Variants in RTN4 observed in about 807,000 individuals in gnomAD.
RTN4 encodes the protein reticulon 4, also known as reticulon-4.
A neutral mutation model predicts 90.4 loss-of-function variants in RTN4; 32 were observed. That is an observed-to-expected ratio of 0.35 (90% CI 0.27 to 0.48). The LOEUF is 0.48. Among genes scored for constraint, RTN4 ranks in the 20% least tolerant of loss-of-function variants. The pLI is 0.99. For missense variants in RTN4, 1,706 were observed against 1,430.2 expected (o/e 1.19, Z -3.11); for synonymous variants, 629 against 552.5 (o/e 1.14, Z -1.94).
At chr2:55,013,764 C>A (rs1680826809) in intron 3 of RTN4, among the ~76,000 whole-genome samples, 1 of 152,154 alleles carries the variant, frequency 6.6e-6, no homozygotes, top group African/African-American at 2.4e-5. Context: ...TTTTCCATTT[C>A]TTTCTTTCCT....
At chr2:55,035,546 C>T (rs951825862) in intron 1 of RTN4, among the ~76,000 whole-genome samples, 1 of 151,632 alleles carries the variant, frequency 6.6e-6, no homozygotes, top group African/African-American at 2.4e-5. Flanking sequence ...AAAGCTTCCA[C>T]TTTAAAAGAG....
chr2:55,057,650 T>C (rs1668212924), intron 2 of RTN4, among the ~76,000 whole-genome samples: 1 of 152,122 alleles, frequency 6.6e-6, no homozygotes, highest in Non-Finnish European at 1.5e-5. Context: ...ATTTGGAACA[T>C]GTGAAGAATG....
At chr2:55,086,603 G>A (rs1045687195) in intron 1 of RTN4, among the ~76,000 whole-genome samples, 4 of 151,888 alleles carry the variant, frequency 2.6e-5, no homozygotes, top group Non-Finnish European at 5.9e-5. Flanking sequence ...CCACGATTTC[G>A]AGGCTGCAGT....
intron 1 of RTN4, among the ~76,000 whole-genome samples, chr2:55,037,018 G>A (rs1682739522): frequency 6.6e-6 from 1 of 152,146 alleles, no homozygotes; most frequent in South Asian, 2.1e-4. Context: ...CCCTACCAAA[G>A]CTAGTAGTGA....
At position 55,049,953 on chromosome 2, in the gene RTN4, G is replaced by A. The variant is rs1478488780; in HGVS notation, c.348C>T (p.Thr116=). The change falls in exon 1 of 9, where the codon ACC becomes ACT. Residue 116 remains threonine (T), a synonymous_variant. Coordinates refer to ENST00000337526, the MANE Select transcript of RTN4 (RefSeq NM_020532.5). ...CAGACAGCGGGGATGGCGCGGGCAC[G>A]GTCGACGACACCGGGCTCGGGTCCC... is the stretch of plus-strand genomic sequence containing the variant. ...PSWDPSPVSS[T]VPAPSPLSAA... 19 of 1,355,026 alleles carry A rather than the reference G, an allele frequency of 1.4e-5. No homozygotes were observed. Among genetic ancestry groups the A allele is most frequent in the South Asian group, 7.1e-5 (4 of 56,554 alleles). The allele number at this position is 1,355,026 out of a possible 1,614,324, so 83.9% of individuals were successfully genotyped here.
chr2:55,109,899 C>A (rs978337272), intron 1 of RTN4, among the ~76,000 whole-genome samples: 3 of 152,096 alleles, frequency 2.0e-5, no homozygotes, highest in Admixed American at 6.5e-5. Context: ...ATTATTTATT[C>A]CCTGGGGAGA....
intron 1 of RTN4, among the ~76,000 whole-genome samples, chr2:55,095,882 C>G (rs1441213774): frequency 6.6e-6 from 1 of 152,136 alleles, no homozygotes; most frequent in Non-Finnish European, 1.5e-5. Context: ...TTTTTGCTAC[C>G]TTTGACAGTT....
rs371914147 is a variant in RTN4 at position 55,026,804 on chromosome 2, G to A, written c.1295C>T (p.Thr432Ile). Residue 432 changes from threonine (T) to isoleucine (I), a missense_variant, in exon 3 of 9, where the codon ACT (threonine) becomes ATT (isoleucine). Physicochemically the swap from Thr to Ile is moderately conservative, Grantham distance 89 (BLOSUM62 -1). Coordinates refer to ENST00000337526, the MANE Select transcript of RTN4 (RefSeq NM_020532.5). ...KKCFADSLEQTNHEKDSESSN... is the reference protein window; with the variant it reads ...KKCFADSLEQINHEKDSESSN... Reference sequence around the variant, plus strand: ...ACTCTCACTATCTTTTTCGTGATTAGTTTGCTCAAGGCTATCTGCAAAACA... The same window carrying A: ...ACTCTCACTATCTTTTTCGTGATTAATTTGCTCAAGGCTATCTGCAAAACA... The A allele has an allele frequency of 1.1e-5, 18 of 1,613,792 alleles. No individual in the cohort carries two copies. Among genetic ancestry groups the A allele is most frequent in the Admixed American group, 1.7e-5 (1 of 59,972 alleles).
chr2:55,131,762 T>C, the RTN4 span, among the ~76,000 whole-genome samples: 4 of 152,020 alleles, frequency 2.6e-5, no homozygotes, highest in Non-Finnish European at 5.9e-5. Context: ...TGTGCACCTG[T>C]AATCCCAGCT....
chr2:54,984,576 T>C (rs545755729), intron 4 of RTN4, among the ~76,000 whole-genome samples: 1 of 152,306 alleles, frequency 6.6e-6, no homozygotes, highest in South Asian at 2.1e-4. Flanking sequence ...ATAAAGACAG[T>C]ACTCCCCATC....
chr2:55,000,233 T>C (rs1679756727), intron 3 of RTN4, among the ~76,000 whole-genome samples: 2 of 152,160 alleles, frequency 1.3e-5, no homozygotes, highest in East Asian at 1.9e-4. Flanking sequence ...AATTAGCAAG[T>C]CTCAGCCTGA....
At chr2:55,041,647 C>T (rs746110695) in intron 1 of RTN4, among the ~76,000 whole-genome samples, 2 of 151,936 alleles carry the variant, frequency 1.3e-5, no homozygotes, top group Non-Finnish European at 2.9e-5. Flanking sequence ...GGGAAATAAT[C>T]TTGAAATATA....
At chr2:55,101,449 G>A (rs1667851549) in intron 1 of RTN4, among the ~76,000 whole-genome samples, 1 of 152,056 alleles carries the variant, frequency 6.6e-6, no homozygotes, top group South Asian at 2.1e-4. Context: ...AAAAATTGAA[G>A]TTATTAATAC....
chr2:55,119,502 G>C, the RTN4 span, among the ~76,000 whole-genome samples: 2 of 152,170 alleles, frequency 1.3e-5, no homozygotes, highest in African/African-American at 4.8e-5. Context: ...AGGGGACACA[G>C]ACTTATTGGA....
intron 2 of RTN4, among the ~76,000 whole-genome samples, chr2:55,070,993 G>C (rs961951886): frequency 6.6e-6 from 1 of 151,208 alleles, no homozygotes; most frequent in African/African-American, 2.4e-5. Context: ...AGCCAGGATG[G>C]TCTCAATCTC....
At chr2:55,059,393 G>A (rs1668249423) in intron 2 of RTN4, among the ~76,000 whole-genome samples, 1 of 151,162 alleles carries the variant, frequency 6.6e-6, no homozygotes, top group South Asian at 2.1e-4. Flanking sequence ...TCACTCTGTT[G>A]CCCAGGATGG....
chr2:55,085,224 A>T (rs1668814203), intron 1 of RTN4, among the ~76,000 whole-genome samples: 1 of 152,186 alleles, frequency 6.6e-6, no homozygotes, highest in Non-Finnish European at 1.5e-5. Flanking sequence ...ATATATACAC[A>T]CACATCCTAT....
At chr2:55,105,710 C>T (rs914532299) in intron 1 of RTN4, among the ~76,000 whole-genome samples, 2 of 151,998 alleles carry the variant, frequency 1.3e-5, no homozygotes, top group Non-Finnish European at 2.9e-5. Context: ...GTGGCTCATG[C>T]CTAATCCCAG....
At position 55,027,495 on chromosome 2, in the gene RTN4, T is replaced by G; in HGVS notation, c.614-10A>C. 1 of 1,582,496 alleles carries G rather than the reference T, an allele frequency of 6.3e-7. No homozygotes were observed. The highest frequency in any genetic ancestry group is 8.6e-7 in the Non-Finnish European group (1 of 1,166,700). On this transcript the variant is annotated splice_polypyrimidine_tract_variant and intron_variant, in intron 2 of 8. Transcript: ENST00000337526. ...TTCAAGTCCATATTTTCTGTGACCATGGACAGAAAGGAAAGTTAGAGAATG... is the reference window on the plus strand; with the variant it reads ...TTCAAGTCCATATTTTCTGTGACCAGGGACAGAAAGGAAAGTTAGAGAATG...
Sources: gnomAD v4.1 joint callset for allele counts (sites outside exome capture counted in the v4.1 genomes callset) on GRCh38, gnomAD v4.1.1 for gene constraint, MANE v1.5 for transcripts, NCBI Gene and HGNC (gene_info 2026-07-23, HGNC 2026-07-21) for gene names.